The following EYS variants were observed in gnomAD, a reference collection of about 807,000 sequenced individuals.
EYS encodes EGF-like photoreceptor maintenance factor.
In EYS, 250 loss-of-function variants were observed where a neutral mutation model predicts 282.1. The observed-to-expected ratio is 0.89, with a 90% confidence interval of 0.80 to 0.98. The LOEUF is 0.98. Among genes scored for constraint, EYS ranks in the 50% least tolerant of loss-of-function variants. The pLI, the probability that EYS is intolerant of heterozygous loss-of-function variation, is 0.00. For synonymous variants in EYS, 1,355 were observed against 1,282.9 expected (o/e 1.06, Z -1.20); for missense variants, 4,016 against 3,709.0 (o/e 1.08, Z -2.15).
chr6:64,097,751 AT>A (rs919438731), intron 31 of EYS, among the ~76,000 whole-genome samples: 12 of 152,068 alleles, frequency 7.9e-5, no homozygotes, highest in Admixed American at 2.0e-4. Context: ...GTACACTGAC[AT>A]TGTCATGATC....
intron 14 of EYS, among the ~76,000 whole-genome samples, chr6:64,964,038 T>C (rs1272348564): frequency 6.6e-6 from 1 of 152,030 alleles, no homozygotes; most frequent in African/African-American, 2.4e-5. Context: ...ATCAACTGGA[T>C]TTTATAAAAC....
chr6:65,392,558 G>T (rs142135080), intron 7 of EYS, among the ~76,000 whole-genome samples: 9,046 of 152,206 alleles, frequency 0.059, 408 homozygotes, highest in African/African-American at 0.12. Context: ...GCAGGCAAAA[G>T]ACACATGAAA....
intron 22 of EYS, among the ~76,000 whole-genome samples, chr6:64,664,642 T>C (rs1233273719): frequency 6.6e-6 from 1 of 152,190 alleles, no homozygotes; most frequent in Non-Finnish European, 1.5e-5. Flanking sequence ...TTTTACCAAA[T>C]GATTAGGTCC....
At chr6:64,093,527 G>C (rs1472179131) in intron 31 of EYS, among the ~76,000 whole-genome samples, 2 of 152,130 alleles carry the variant, frequency 1.3e-5, no homozygotes. Context: ...TTGTGAATGG[G>C]AGTCCACTCA....
At chr6:65,227,936 G>C (rs1242326690) in intron 12 of EYS, among the ~76,000 whole-genome samples, 1 of 151,984 alleles carries the variant, frequency 6.6e-6, no homozygotes, top group Non-Finnish European at 1.5e-5. Flanking sequence ...GGCGACTATT[G>C]TTTAGTGGGT....
chr6:63,933,906 C>A (rs1421704301), intron 35 of EYS, among the ~76,000 whole-genome samples: 2 of 152,126 alleles, frequency 1.3e-5, no homozygotes, highest in African/African-American at 4.8e-5. Flanking sequence ...AACAATCTAC[C>A]TGCTTTTAAA....
chr6:64,418,346 C>T (rs916470055), intron 28 of EYS, among the ~76,000 whole-genome samples: 3 of 152,184 alleles, frequency 2.0e-5, no homozygotes, highest in Admixed American at 6.5e-5. Context: ...TGGAAAATCA[C>T]AACCTTTTTA....
intron 12 of EYS, among the ~76,000 whole-genome samples, chr6:65,112,602 T>C (rs1330888080): frequency 6.6e-6 from 1 of 152,192 alleles, no homozygotes; most frequent in African/African-American, 2.4e-5. Flanking sequence ...CCTGTATGCT[T>C]ACATCAAGTT....
chr6:65,539,466 T>A (rs1296351744), intron 2 of EYS, among the ~76,000 whole-genome samples: 1 of 152,168 alleles, frequency 6.6e-6, no homozygotes, highest in African/African-American at 2.4e-5. Flanking sequence ...GACCGATTCA[T>A]TGAGAATGAT....
intron 11 of EYS, among the ~76,000 whole-genome samples, chr6:65,324,118 AC>A (rs1289587624): frequency 2.0e-5 from 3 of 150,128 alleles, no homozygotes; most frequent in Non-Finnish European, 4.4e-5. Context: ...GCTCCTTCAA[AC>A]CCTTGCCTGG....
At chr6:65,216,348 TAA>T (rs1383842400) in intron 12 of EYS, among the ~76,000 whole-genome samples, 22 of 152,056 alleles carry the variant, frequency 1.4e-4, no homozygotes, top group Admixed American at 1.1e-3. Context: ...CATACATATA[TAA>T]GTTATTTATA....
intron 14 of EYS, among the ~76,000 whole-genome samples, chr6:64,994,139 G>A (rs1583372969): frequency 6.6e-6 from 1 of 151,628 alleles, no homozygotes; most frequent in Non-Finnish European, 1.5e-5. Context: ...GTTACACTAG[G>A]GAATAGATCT....
chr6:65,214,080 A>G (rs1766247462), intron 12 of EYS, among the ~76,000 whole-genome samples: 3 of 137,638 alleles, frequency 2.2e-5, no homozygotes, highest in Admixed American at 8.1e-5. Flanking sequence ...AATGGTGTGG[A>G]CCCGGGAGGT....
At chr6:65,341,583 C>A (rs1278190326) in intron 10 of EYS, among the ~76,000 whole-genome samples, 1 of 151,190 alleles carries the variant, frequency 6.6e-6, no homozygotes, top group Non-Finnish European at 1.5e-5. Context: ...ACAAAACCTT[C>A]TCTTTCATTT....
chr6:64,036,581 G>A (rs534139506), intron 33 of EYS, among the ~76,000 whole-genome samples: 5 of 152,154 alleles, frequency 3.3e-5, no homozygotes, highest in African/African-American at 4.8e-5. Context: ...CAGACATCAC[G>A]CAGGTGAACA....
chr6:64,529,857 G>A (rs1266245500), intron 26 of EYS, among the ~76,000 whole-genome samples: 1 of 152,014 alleles, frequency 6.6e-6, no homozygotes, highest in Non-Finnish European at 1.5e-5. Context: ...TGTATGAAAT[G>A]AAGATGGAGA....
chr6:65,015,520 T>C (rs1772015066), intron 13 of EYS, among the ~76,000 whole-genome samples: 1 of 152,210 alleles, frequency 6.6e-6, no homozygotes, highest in Non-Finnish European at 1.5e-5. Flanking sequence ...AGAATCACAT[T>C]GTATTGTATT....
intron 28 of EYS, among the ~76,000 whole-genome samples, chr6:64,421,518 G>C (rs758613747): frequency 5.3e-5 from 8 of 152,006 alleles, no homozygotes; most frequent in Non-Finnish European, 1.2e-4. Context: ...TGTTAATTTT[G>C]TCTTTCATAT....
intron 22 of EYS, among the ~76,000 whole-genome samples, chr6:64,664,600 C>T (rs988210382): frequency 1.3e-5 from 2 of 152,144 alleles, no homozygotes. Context: ...AAATCTTAAC[C>T]TTCACAGCTG....
Sources: allele counts gnomAD v4.1 joint callset (sites outside exome capture counted in the v4.1 genomes callset), GRCh38; gene constraint gnomAD v4.1.1; transcripts MANE v1.5; gene names NCBI Gene and HGNC (gene_info 2026-07-23, HGNC 2026-07-21).